RAPGEF4: variants seen among roughly 807,000 people sequenced by gnomAD.
RAPGEF4 encodes the protein Rap guanine nucleotide exchange factor 4, also known as RAP guanine-nucleotide-exchange factor (GEF) 4.
In RAPGEF4, 66 loss-of-function variants were observed where a neutral mutation model predicts 147.9. The ratio of observed to expected loss-of-function variants is 0.45; its 90% confidence interval spans 0.37 to 0.55. The LOEUF (loss-of-function observed/expected upper bound fraction) is 0.55. RAPGEF4 is among the 20% of genes least tolerant of loss of function. The pLI, the probability that RAPGEF4 is intolerant of heterozygous loss-of-function variation, is 0.00. For synonymous variants in RAPGEF4, 419 were observed against 442.7 expected (o/e 0.95, Z 0.67); for missense variants, 1,071 against 1,257.3 (o/e 0.85, Z 2.24).
intron 4 of RAPGEF4, among the ~76,000 whole-genome samples, chr2:172,830,936 C>T (rs1004451083): frequency 7.2e-5 from 11 of 152,172 alleles, no homozygotes; most frequent in Admixed American, 5.9e-4. Flanking sequence ...CCAGAAGCAA[C>T]CACTGTTATG....
At chr2:172,933,116 C>T (rs982668913) in intron 6 of RAPGEF4, among the ~76,000 whole-genome samples, 2 of 152,064 alleles carry the variant, frequency 1.3e-5, no homozygotes. Context: ...TATGCAAGCA[C>T]TGGGAAAACT....
At chr2:172,958,731 T>G (rs956136307) in intron 6 of RAPGEF4, among the ~76,000 whole-genome samples, 7 of 152,232 alleles carry the variant, frequency 4.6e-5, no homozygotes, top group Non-Finnish European at 1.0e-4. Flanking sequence ...GAAAAAAGTC[T>G]GCTAGATGCC....
intron 6 of RAPGEF4, among the ~76,000 whole-genome samples, chr2:172,934,409 C>T (rs1267041557): frequency 1.3e-5 from 2 of 152,122 alleles, no homozygotes; most frequent in African/African-American, 4.8e-5. Context: ...CCTCAGCCTC[C>T]CAAAGTGCTG....
intron 1 of RAPGEF4, among the ~76,000 whole-genome samples, chr2:172,783,109 T>G (rs547456208): frequency 2.2e-4 from 34 of 152,292 alleles, no homozygotes; most frequent in African/African-American, 7.7e-4. Context: ...GGGCTAAACA[T>G]TCTTTAGATA....
At chr2:172,977,305 G>A (rs1691178554) in intron 10 of RAPGEF4, among the ~76,000 whole-genome samples, 3 of 152,046 alleles carry the variant, frequency 2.0e-5, no homozygotes, top group South Asian at 4.1e-4. Context: ...TGTCACCCCC[G>A]TAAAGACCAA....
chr2:172,753,419 C>A (rs1412262989), intron 1 of RAPGEF4, among the ~76,000 whole-genome samples: 1 of 146,734 alleles, frequency 6.8e-6, no homozygotes. Context: ...TTTAATTTAC[C>A]TACAATTGAT....
intron 3 of RAPGEF4, among the ~76,000 whole-genome samples, chr2:172,800,750 G>A (rs939851503): frequency 2.0e-5 from 3 of 152,160 alleles, no homozygotes; most frequent in Admixed American, 6.5e-5. Context: ...GTGAGTAGAC[G>A]AGGTACACGC....
intron 11 of RAPGEF4, among the ~76,000 whole-genome samples, chr2:172,984,094 C>T (rs1003691639): frequency 3.3e-5 from 5 of 152,070 alleles, no homozygotes; most frequent in African/African-American, 1.2e-4. Context: ...AAAAAATGAC[C>T]CAGTGGCTGT....
intron 4 of RAPGEF4, among the ~76,000 whole-genome samples, chr2:172,819,354 T>G (rs796968198): frequency 1.3e-5 from 2 of 152,156 alleles, no homozygotes; most frequent in South Asian, 4.2e-4. Context: ...CAGTAACATT[T>G]CAGGAGGGAG....
intron 3 of RAPGEF4, 52 bp downstream of exon 3, chr2:172,797,665 T>C (rs1234955845): frequency 7.4e-7 from 1 of 1,348,610 alleles, no homozygotes; most frequent in East Asian, 2.4e-5. Flanking sequence ...TAAAGACTTA[T>C]TATCCCTATG....
intron 30 of RAPGEF4, 32 bp downstream of exon 30, chr2:173,048,686 A>C: frequency 6.2e-7 from 1 of 1,613,920 alleles, no homozygotes; most frequent in South Asian, 1.1e-5. Flanking sequence ...CTTACAATGT[A>C]GATGTTGGTG....
chr2:172,915,187 A>C (rs1683929802), intron 4 of RAPGEF4, among the ~76,000 whole-genome samples: 1 of 152,230 alleles, frequency 6.6e-6, no homozygotes. Flanking sequence ...TCACTATACT[A>C]AAAGCTATTA....
At chr2:173,050,982 T>G (rs930162498) in intron 30 of RAPGEF4, among the ~76,000 whole-genome samples, 1 of 152,226 alleles carries the variant, frequency 6.6e-6, no homozygotes, top group Non-Finnish European at 1.5e-5. Flanking sequence ...GTTGCTCACA[T>G]GCTTGGGATG....
At chr2:172,789,169 C>T (rs1260697271) in intron 1 of RAPGEF4, among the ~76,000 whole-genome samples, 1 of 152,230 alleles carries the variant, frequency 6.6e-6, no homozygotes, top group African/African-American at 2.4e-5. Context: ...AAATATCTCA[C>T]TTGATTAGGT....
rs201442045 is a variant in RAPGEF4 at position 173,020,658 on chromosome 2, G to T, written c.2196G>T (p.Thr732=). ...VLKPNDVSVF[T]TLTINGRLFA... is the part of the protein sequence containing the mutation. The stretch of plus-strand genomic sequence containing the variant: ...AACCTAATGATGTTTCAGTATTTAC[G>T]ACGCTCACCATTAATGGACGCCTGT... The change falls in exon 23 of 31, where the codon ACG becomes ACT. Residue 732 remains threonine (T), a synonymous_variant. Transcript: ENST00000397081. 1 of 1,613,588 alleles carries T rather than the reference G, an allele frequency of 6.2e-7. No homozygotes were observed. The highest frequency in any genetic ancestry group is 1.1e-5 in the South Asian group (1 of 90,932).
intron 29 of RAPGEF4, among the ~76,000 whole-genome samples, chr2:173,046,291 A>T (rs1490985290): frequency 2.0e-5 from 3 of 152,262 alleles, no homozygotes; most frequent in Non-Finnish European, 4.4e-5. Flanking sequence ...CTCACATTTT[A>T]AACTACATGA....
intron 4 of RAPGEF4, among the ~76,000 whole-genome samples, chr2:172,842,473 G>A (rs1012841498): frequency 6.6e-6 from 1 of 152,182 alleles, no homozygotes; most frequent in Non-Finnish European, 1.5e-5. Context: ...GGATTGGGTT[G>A]GGGGATGAGA....
intron 4 of RAPGEF4, among the ~76,000 whole-genome samples, chr2:172,854,077 GGT>G (rs1693153396): frequency 6.6e-6 from 1 of 151,750 alleles, no homozygotes; most frequent in South Asian, 2.1e-4. Context: ...GCAGCTGTTG[GGT>G]GTAGTATTTT....
intron 11 of RAPGEF4, among the ~76,000 whole-genome samples, chr2:172,984,083 T>TA (rs1400771024): frequency 6.6e-6 from 1 of 152,168 alleles, no homozygotes. Flanking sequence ...CACCCACTAA[T>TA]AAAAAATGAC....
Sources: allele counts gnomAD v4.1 joint callset (sites outside exome capture counted in the v4.1 genomes callset), GRCh38; gene constraint gnomAD v4.1.1; transcripts MANE v1.5; gene names NCBI Gene and HGNC (gene_info 2026-07-23, HGNC 2026-07-21).